Variants in CASK observed in about 807,000 individuals in gnomAD.
The protein encoded by CASK is peripheral plasma membrane protein CASK.
CASK carries 4 observed loss-of-function variants against 82.9 expected under a neutral mutation model. That is an observed-to-expected ratio of 0.05 (90% CI 0.02 to 0.11). The LOEUF (loss-of-function observed/expected upper bound fraction) is 0.11. Ranked by LOEUF, CASK falls within the 10% of genes least tolerant of loss-of-function variation. The probability of loss-of-function intolerance (pLI) is 1.00; values close to 1 mark genes in which losing one functional copy is unlikely to be tolerated. For missense variants in CASK, 358 were observed against 720.9 expected, an observed-to-expected ratio of 0.50 and a Z score of 5.76; for synonymous variants, 259 against 253.5, an observed-to-expected ratio of 1.02 and a Z score of -0.20.
chrX:41,866,959 C>CCTCA (rs1236097418), intron 1 of CASK, among the ~76,000 whole-genome samples: 4 of 111,450 alleles, frequency 3.6e-5, no homozygotes, highest in Admixed American at 9.6e-5. Context: ...ACATATACAT[C>CCTCA]CTCACTCACT....
intron 25 of CASK, among the ~76,000 whole-genome samples, chrX:41,526,428 G>C (rs2064714200): frequency 8.9e-6 from 1 of 112,260 alleles, no homozygotes; most frequent in Non-Finnish European, 1.9e-5. Context: ...TCTGCACTCA[G>C]TGGCCCAGCC....
chrX:41,620,827 G>A (rs1371911415), intron 11 of CASK, among the ~76,000 whole-genome samples: 1 of 112,257 alleles, frequency 8.9e-6, no homozygotes, highest in Non-Finnish European at 1.9e-5. Context: ...GGTGATACAT[G>A]CTTTAGATTC....
intron 1 of CASK, among the ~76,000 whole-genome samples, chrX:41,880,845 T>C (rs1392931109): frequency 8.9e-6 from 1 of 111,790 alleles, no homozygotes; most frequent in Non-Finnish European, 1.9e-5. Context: ...AATTAAAATA[T>C]GGGGGAGAAA....
intron 3 of CASK, among the ~76,000 whole-genome samples, chrX:41,762,098 G>A (rs1032016092): frequency 6.3e-5 from 7 of 111,890 alleles, no homozygotes; most frequent in Non-Finnish European, 1.3e-4. Flanking sequence ...TGAGGAAATT[G>A]AGGCTTAAGA....
Position 41,808,285 on chromosome X carries a change from T to C in CASK, c.173-21002A>G, listed in dbSNP as rs368001297. 2.3e-4 allele frequency among the ~76,000 whole-genome samples: 26 copies of C among 112,032 alleles called. No individual in the cohort carries two copies. In the South Asian group the frequency reaches 4.5e-3, roughly 19 times the overall value. On this transcript the variant is annotated intron_variant, in intron 2 of 26. Transcript: ENST00000378163. The stretch of plus-strand genomic sequence containing the variant: ...GCAAGGCCTTGGCAGTTTGACAAGA[T>C]TGAGTTTGAATCTAGGTTTTGCCAT...
chrX:41,915,656 G>C (rs1272939813), intron 1 of CASK, among the ~76,000 whole-genome samples: 1 of 110,405 alleles, frequency 9.1e-6, no homozygotes, highest in African/African-American at 3.3e-5. Context: ...CTGACGTCAG[G>C]AGTTCGAGAC....
chrX:41,659,997 TAAA>T (rs756132427), intron 8 of CASK: 143 of 99,035 alleles, frequency 1.4e-3, no homozygotes, highest in Middle Eastern at 4.6e-3. Context: ...AGACCTTGTC[TAAA>T]AAAAAAAAAA....
At chrX:41,730,646 T>C (rs1005533585) in intron 5 of CASK, among the ~76,000 whole-genome samples, 1 of 111,107 alleles carries the variant, frequency 9.0e-6, no homozygotes, top group African/African-American at 3.3e-5. Flanking sequence ...ATAGAGTAAC[T>C]CAAAGTCCAT....
chrX:41,620,552 G>C (rs988752089), intron 11 of CASK, among the ~76,000 whole-genome samples: 1 of 111,719 alleles, frequency 9.0e-6, no homozygotes, highest in Non-Finnish European at 1.9e-5. Context: ...AAAAAAATCT[G>C]CTTACTAAGG....
At position 41,609,979 on chromosome X, in the gene CASK, A is replaced by C. The variant is rs1330260919; in HGVS notation, c.1080T>G (p.Leu360=). 4 of 1,208,227 alleles carry C rather than the reference A, an allele frequency of 3.3e-6. No individual in the cohort carries two copies. Among genetic ancestry groups the C allele is most frequent in the Non-Finnish European group, 4.5e-6 (4 of 893,379 alleles). Residue 360 remains leucine, a synonymous_variant, in exon 12 of 27, where the codon CTT becomes CTG. Transcript: ENST00000378163. ...CTAGGTCCTTTTCACTGCAGTCTGT[A>C]AGCGCATGAATCTCTTCCAGGCTGT... ...VLDSLEEIHA[L]TDCSEKDLDF...
chrX:41,918,258 T>C (rs747770020), intron 1 of CASK, among the ~76,000 whole-genome samples: 1 of 112,414 alleles, frequency 8.9e-6, no homozygotes, highest in South Asian at 3.7e-4. Context: ...TAGTAATTAG[T>C]ACAAATTAGT....
At chrX:41,549,917 T>C (rs1230205584) in intron 21 of CASK, among the ~76,000 whole-genome samples, 1 of 110,481 alleles carries the variant, frequency 9.1e-6, no homozygotes, top group African/African-American at 3.3e-5. Context: ...CCTAGCACTT[T>C]GGGAGGCTGA....
chrX:41,708,152 G>A (rs1344694351), intron 5 of CASK, among the ~76,000 whole-genome samples: 2 of 110,056 alleles, frequency 1.8e-5, no homozygotes, highest in East Asian at 5.6e-4. Context: ...CCACTTAAGT[G>A]GAAGGGATAT....
chrX:41,605,534 G>C (rs2065946777), intron 12 of CASK, among the ~76,000 whole-genome samples: 1 of 110,901 alleles, frequency 9.0e-6, no homozygotes, highest in African/African-American at 3.3e-5. Flanking sequence ...GAAGGTCAAG[G>C]CTACAGTGAG....
chrX:41,781,147 T>C (rs922399582), intron 3 of CASK, among the ~76,000 whole-genome samples: 7 of 111,729 alleles, frequency 6.3e-5, no homozygotes, highest in Admixed American at 9.5e-5. Flanking sequence ...CTCACTCTAT[T>C]GCCCAGGCTG....
chrX:41,716,766 G>A (rs2068069072), intron 5 of CASK, among the ~76,000 whole-genome samples: 1 of 111,538 alleles, frequency 9.0e-6, no homozygotes, highest in Admixed American at 9.5e-5. Context: ...CAAAATTGGG[G>A]CTAACAATAA....
chrX:41,737,141 C>T (rs2068512194), intron 5 of CASK, among the ~76,000 whole-genome samples: 1 of 111,830 alleles, frequency 8.9e-6, no homozygotes, highest in Non-Finnish European at 1.9e-5. Context: ...TCTTTTGGAG[C>T]CCTAAGACAC....
intron 1 of CASK, among the ~76,000 whole-genome samples, chrX:41,864,185 T>G (rs2071545223): frequency 8.9e-6 from 1 of 111,947 alleles, no homozygotes; most frequent in African/African-American, 3.2e-5. Context: ...CTAATTTAAA[T>G]AAGCTAGTGA....
intron 5 of CASK, chrX:41,676,530 G>A (rs959441672): frequency 2.6e-6 from 3 of 1,141,376 alleles, no homozygotes; most frequent in Admixed American, 2.3e-5. Context: ...CCCTCGCGCC[G>A]GCACGCGGCC....
Sources: allele counts gnomAD v4.1 joint callset (sites outside exome capture counted in the v4.1 genomes callset), GRCh38; gene constraint gnomAD v4.1.1; transcripts MANE v1.5; gene names NCBI Gene and HGNC (gene_info 2026-07-23, HGNC 2026-07-21).